ZNF544: variants seen among roughly 807,000 people sequenced by gnomAD.
ZNF544 encodes zinc finger protein AF020591.
In ZNF544, 10 loss-of-function variants were observed where a neutral mutation model predicts 13.5. The observed-to-expected ratio is 0.74, with a 90% CI of 0.46 to 1.25. The LOEUF is 1.25. ZNF544 is among the 50% of genes most tolerant of loss of function. The pLI is 0.00. For synonymous variants in ZNF544, 323 were observed against 300.5 expected (o/e 1.07, Z -0.77); for missense variants, 896 against 845.6 (o/e 1.06, Z -0.74).
intron 4 of ZNF544, among the ~76,000 whole-genome samples, chr19:58,245,294 T>TG (rs2044879928): frequency 6.7e-6 from 1 of 149,242 alleles, no homozygotes; most frequent in Admixed American, 6.7e-5. Context: ...ACCTTGTTTG[T>TG]GGGGTTTTTT....
intron 5 of ZNF544, among the ~76,000 whole-genome samples, chr19:58,269,739 G>A (rs1414320045): frequency 1.3e-5 from 2 of 152,050 alleles, no homozygotes; most frequent in Admixed American, 1.3e-4. Flanking sequence ...TGGCCAAGAT[G>A]GTGAAACCCT....
intron 6 of ZNF544, among the ~76,000 whole-genome samples, chr19:58,253,438 AT>A (rs1184352028): frequency 6.6e-6 from 1 of 151,992 alleles, no homozygotes; most frequent in East Asian, 1.9e-4. Flanking sequence ...AATTAGTCTG[AT>A]TTGTTTATTT....
At chr19:58,271,955 A>G (rs2050686397) in intron 5 of ZNF544, among the ~76,000 whole-genome samples, 1 of 152,054 alleles carries the variant, frequency 6.6e-6, no homozygotes, top group Non-Finnish European at 1.5e-5. Flanking sequence ...TGAGGTCAGG[A>G]GTTGAAGACC....
At chr19:58,245,893 G>A (rs1034878469) in intron 4 of ZNF544, 1 of 309,656 alleles carries the variant, frequency 3.2e-6, no homozygotes, top group African/African-American at 2.2e-5. Context: ...AAAAGGAATG[G>A]TACAGACCAC....
rs1374366378 is a variant in ZNF544 at position 58,261,077 on chromosome 19, T to C, written c.471T>C (p.Cys157=). 6.2e-7 allele frequency: 1 copy of C among 1,614,090 alleles called. No individual in the cohort carries two copies. The highest frequency in any genetic ancestry group is 8.5e-7 in the Non-Finnish European group (1 of 1,179,948). The change falls in exon 7 of 7, where the codon TGT becomes TGC. Residue 157 remains cysteine (C), a synonymous_variant. Coordinates refer to ENST00000687789, the MANE Select transcript of ZNF544 (RefSeq NM_014480.4). ...GACTGTTTGCTCAAAGGGAACATTG[T>C]GAGCTTGAACTTGGGGGAGGTTATT... ...SERLFAQREH[C]ELELGGGYSL... is the part of the protein sequence containing the mutation.
At chr19:58,273,201 A>T (rs2050856019) in intron 5 of ZNF544, among the ~76,000 whole-genome samples, 1 of 152,030 alleles carries the variant, frequency 6.6e-6, no homozygotes, top group Non-Finnish European at 1.5e-5. Flanking sequence ...AAGAAGAAAG[A>T]AACCAAAAAA....
intron 6 of ZNF544, among the ~76,000 whole-genome samples, chr19:58,251,768 G>T (rs1294787437): frequency 1.3e-5 from 2 of 152,152 alleles, no homozygotes; most frequent in African/African-American, 4.8e-5. Flanking sequence ...AGAGGGCTAT[G>T]GGCAGTAAGC....
chr19:58,271,772 A>AG (rs1439971662), intron 5 of ZNF544, among the ~76,000 whole-genome samples: 2 of 152,188 alleles, frequency 1.3e-5, no homozygotes, highest in African/African-American at 4.8e-5. Context: ...ATGGTACATG[A>AG]GGAGGTAAGC....
intron 6 of ZNF544, 38 bp from the exon 7 acceptor site, chr19:58,260,813 G>T: frequency 4.0e-6 from 6 of 1,486,808 alleles, no homozygotes; most frequent in Non-Finnish European, 5.4e-6. Flanking sequence ...CCCCTCTGAT[G>T]CTTCTCCAGT....
In ZNF544 at chr19:58,263,428, C is replaced by T. The variant is rs188427483; in HGVS notation, c.*674C>T. On this transcript the variant is annotated 3_prime_UTR_variant, in exon 7 of 7. Transcript: ENST00000687789. The stretch of plus-strand genomic sequence containing the variant: ...GTGAGCTGTGATCATGCCATCACAC[C>T]GCTGCCTTGTGAGAGATTGAGACAC... 9.0e-5 allele frequency: 89 copies of T among 984,548 alleles called. No individual in the cohort carries two copies. The African/African-American group carries it at 1.2e-3, about 13-fold the overall frequency. 61.0% of individuals were successfully genotyped at this position (984,548 alleles called of 1,614,324 possible).
At chr19:58,254,949 G>A (rs1433802253) in intron 6 of ZNF544, among the ~76,000 whole-genome samples, 22 of 148,016 alleles carry the variant, frequency 1.5e-4, no homozygotes, top group Admixed American at 4.7e-4. Flanking sequence ...GTGCAGTGGC[G>A]CGATCTCGGC....
chr19:58,255,154 C>G (rs1411864603), intron 6 of ZNF544, among the ~76,000 whole-genome samples: 1 of 151,166 alleles, frequency 6.6e-6, no homozygotes, highest in African/African-American at 2.4e-5. Context: ...TCCCAAAGTG[C>G]TGGGATTACA....
chr19:58,262,875 T>C lies in ZNF544; in HGVS notation c.*121T>C, dbSNP rs1363313488. 13 of 1,498,372 alleles carry C rather than the reference T, an allele frequency of 8.7e-6. No individual in the cohort carries two copies. The highest frequency in any genetic ancestry group is 1.4e-5 in the African/African-American group (1 of 71,378). The allele number at this position is 1,498,372 out of a possible 1,614,324, so 92.8% of individuals were successfully genotyped here. A position where few individuals can be genotyped will look rare whatever the true frequency, so the allele number is the denominator to read the frequency against. Reference sequence around the variant, plus strand: ...GTATTAAGCCAGCGGTTGTGACTCATTGAACATCAGAGGACATATCCTGGA... The same window carrying C: ...GTATTAAGCCAGCGGTTGTGACTCACTGAACATCAGAGGACATATCCTGGA... On this transcript the variant is annotated 3_prime_UTR_variant, in exon 7 of 7. Transcript: ENST00000687789.
chr19:58,267,114 T>G (rs995966687), downstream of ZNF544: 1 of 152,334 alleles, frequency 6.6e-6, no homozygotes, highest in African/African-American at 2.4e-5. Flanking sequence ...CAGGCTGTAG[T>G]GCAGTGGCAC....
intron 5 of ZNF544, among the ~76,000 whole-genome samples, chr19:58,271,017 G>C (rs960650187): frequency 6.6e-6 from 1 of 151,890 alleles, no homozygotes; most frequent in Non-Finnish European, 1.5e-5. Flanking sequence ...TTTGAGACCA[G>C]CCTGGCCAAC....
At position 58,263,215 on chromosome 19, in the gene ZNF544, G is replaced by T. The variant is rs260463; in HGVS notation, c.*461G>T. On this transcript the variant is annotated 3_prime_UTR_variant, in exon 7 of 7. Transcript: ENST00000687789. ...GTTGCCAACACTTGTAATCCCAGCA[G>T]TTTGCGAGGCCGAGGCAGGTGGATC... 2.0e-6 allele frequency: 2 copies of T among 990,648 alleles called. No homozygotes were observed. Among genetic ancestry groups the T allele is most frequent in the Admixed American group, 5.6e-5 (1 of 17,740 alleles). The allele number at this position is 990,648 out of a possible 1,614,324, so 61.4% of individuals were successfully genotyped here. A position where few individuals can be genotyped will look rare whatever the true frequency, so the allele number is the denominator to read the frequency against.
At chr19:58,255,272 T>G (rs2047038082) in intron 6 of ZNF544, among the ~76,000 whole-genome samples, 3 of 151,212 alleles carry the variant, frequency 2.0e-5, no homozygotes, top group Admixed American at 2.0e-4. Flanking sequence ...GCCTCCCGAG[T>G]TCAAGCAGTT....
At position 58,263,135 on chromosome 19, in the gene ZNF544, T is replaced by C; in HGVS notation, c.*381T>C. 2 of 1,010,992 alleles carry C rather than the reference T, an allele frequency of 2.0e-6. No homozygotes were observed. The highest frequency in any genetic ancestry group is 2.4e-6 in the Non-Finnish European group (2 of 844,400). 62.6% of individuals were successfully genotyped at this position (1,010,992 alleles called of 1,614,324 possible). ...GTTATGATACTTTCCTTATTCAACA[T>C]GAGAAAGCTCATGGGCAAGAAACTC... On this transcript the variant is annotated 3_prime_UTR_variant, in exon 7 of 7. Coordinates refer to ENST00000687789, the MANE Select transcript of ZNF544 (RefSeq NM_014480.4).
intron 3 of ZNF544, among the ~76,000 whole-genome samples, chr19:58,239,479 TTAAG>T (rs200979970): frequency 0.015 from 2,224 of 152,340 alleles, 28 homozygotes; most frequent in Non-Finnish European, 0.024. Context: ...GCCTGTTTCT[TTAAG>T]TAAGCCTGGT....
Sources: gnomAD v4.1 joint callset for allele counts (sites outside exome capture counted in the v4.1 genomes callset) on GRCh38, gnomAD v4.1.1 for gene constraint, MANE v1.5 for transcripts, NCBI Gene and HGNC (gene_info 2026-07-23, HGNC 2026-07-21) for gene names.